Variants in AUH observed in about 807,000 individuals in gnomAD.
The protein encoded by AUH is methylglutaconyl-CoA hydratase, mitochondrial.
Under a neutral mutation model 42.3 loss-of-function variants are expected in AUH, and 29 were observed. The observed-to-expected ratio is 0.69, with a 90% CI of 0.51 to 0.93. The LOEUF is 0.93. Among genes scored for constraint, AUH ranks in the 40% least tolerant of loss-of-function variants. AUH has a pLI of 0.00. For missense variants in AUH, 452 were observed against 438.1 expected (o/e 1.03, Z -0.28); for synonymous variants, 174 against 166.4 (o/e 1.05, Z -0.35).
chr9:91,323,407 G>A (rs1319377653), intron 4 of AUH, among the ~76,000 whole-genome samples: 1 of 152,052 alleles, frequency 6.6e-6, no homozygotes, highest in Non-Finnish European at 1.5e-5. Flanking sequence ...GGTGGATCAC[G>A]AGGTCAAGAG....
At chr9:91,215,551 T>C (rs1427681660) in intron 9 of AUH, among the ~76,000 whole-genome samples, 1 of 152,210 alleles carries the variant, frequency 6.6e-6, no homozygotes, top group Non-Finnish European at 1.5e-5. Context: ...ATATTTTCAA[T>C]TTACACTTGG....
At chr9:91,334,037 C>T (rs1418141131) in intron 3 of AUH, among the ~76,000 whole-genome samples, 1 of 152,074 alleles carries the variant, frequency 6.6e-6, no homozygotes, top group Non-Finnish European at 1.5e-5. Flanking sequence ...TAGACAGACC[C>T]TTTATGTATT....
intron 6 of AUH, among the ~76,000 whole-genome samples, chr9:91,241,530 TG>T (rs1828518393): frequency 6.6e-6 from 1 of 152,172 alleles, no homozygotes; most frequent in Non-Finnish European, 1.5e-5. Flanking sequence ...TTAGGTTTTG[TG>T]GTAAGTACAT....
At chr9:91,297,239 A>G (rs1827415913) in intron 5 of AUH, among the ~76,000 whole-genome samples, 2 of 152,202 alleles carry the variant, frequency 1.3e-5, no homozygotes, top group South Asian at 2.1e-4. Context: ...CCAGTGCCCC[A>G]AAGTACCTGC....
At chr9:91,317,682 T>C (rs762804936) in intron 4 of AUH, among the ~76,000 whole-genome samples, 10 of 152,228 alleles carry the variant, frequency 6.6e-5, no homozygotes, top group East Asian at 3.8e-4. Context: ...CAGAATAATA[T>C]AGAACAGAGG....
chr9:91,315,788 T>C (rs1829110230), intron 4 of AUH, among the ~76,000 whole-genome samples: 2 of 151,682 alleles, frequency 1.3e-5, no homozygotes, highest in African/African-American at 4.9e-5. Flanking sequence ...CTAACACCTG[T>C]CTGCCACCGA....
chr9:91,345,849 A>G (rs984564921), intron 3 of AUH, among the ~76,000 whole-genome samples: 17 of 151,350 alleles, frequency 1.1e-4, no homozygotes, highest in Admixed American at 9.9e-4. Flanking sequence ...AAAAAAAAAA[A>G]AGTACCCAGA....
intron 4 of AUH, among the ~76,000 whole-genome samples, 191 bp from the exon 5 acceptor site, chr9:91,298,267 T>G (rs765989332): frequency 9.2e-5 from 14 of 152,188 alleles, no homozygotes; most frequent in Non-Finnish European, 1.8e-4. Flanking sequence ...AATTACTGTA[T>G]AGTGTTCCAT....
At chr9:91,239,128 A>G (rs1169417926) in intron 6 of AUH, among the ~76,000 whole-genome samples, 1 of 151,624 alleles carries the variant, frequency 6.6e-6, no homozygotes, top group Non-Finnish European at 1.5e-5. Flanking sequence ...GTAACATTTA[A>G]CGGTGGAAAA....
At chr9:91,338,843 A>T (rs1830889815) in intron 3 of AUH, among the ~76,000 whole-genome samples, 1 of 152,236 alleles carries the variant, frequency 6.6e-6, no homozygotes, top group Admixed American at 6.5e-5. Context: ...CTAGAAACTA[A>T]TGAGACTCAC....
chr9:91,334,746 T>C (rs959276569), intron 3 of AUH, among the ~76,000 whole-genome samples: 4 of 152,222 alleles, frequency 2.6e-5, no homozygotes, highest in Non-Finnish European at 5.9e-5. Flanking sequence ...AAGTAAAAGA[T>C]GAAATGCTTC....
chr9:91,235,045 G>A (rs1288750606), intron 6 of AUH, among the ~76,000 whole-genome samples: 3 of 151,966 alleles, frequency 2.0e-5, no homozygotes, highest in African/African-American at 7.3e-5. Context: ...AGGAAAGGAT[G>A]TGAGGAGGAG....
At chr9:91,329,777 T>C (rs914581189) in intron 3 of AUH, among the ~76,000 whole-genome samples, 9 of 152,192 alleles carry the variant, frequency 5.9e-5, no homozygotes, top group African/African-American at 2.4e-5. Context: ...CAGTTGTGCT[T>C]TTCTGGTAAT....
chr9:91,319,685 G>A (rs1829422649), intron 4 of AUH, among the ~76,000 whole-genome samples: 1 of 152,206 alleles, frequency 6.6e-6, no homozygotes, highest in Non-Finnish European at 1.5e-5. Context: ...GCCTCAAGTA[G>A]GCAGGCCTGC....
At chr9:91,349,701 CACAGAG>C (rs992918393) in intron 3 of AUH, among the ~76,000 whole-genome samples, 9 of 149,188 alleles carry the variant, frequency 6.0e-5, no homozygotes, top group African/African-American at 2.2e-4. Context: ...CACACACACA[CACAGAG>C]AGAAGAGAGA....
intron 1 of AUH, 104 bp from the exon 2 acceptor site, chr9:91,356,259 G>T (rs1832411463): frequency 2.2e-6 from 2 of 909,632 alleles, no homozygotes; most frequent in Non-Finnish European, 3.6e-6. Flanking sequence ...ACAAATCAAA[G>T]AAATTCATGA....
At position 91,265,909 on chromosome 9, in the gene AUH, C is replaced by T. The variant is rs188799559; in HGVS notation, c.655+30112G>A. Among the ~76,000 whole-genome samples, 14 of 152,186 alleles carry T rather than the reference C, an allele frequency of 9.2e-5. No individual in the cohort carries two copies. In the East Asian group the frequency reaches 9.6e-4, roughly 10 times the overall value. On this transcript the variant is annotated intron_variant, in intron 6 of 9. Transcript: ENST00000375731. ...TCTCATTTGTTGATGCCTCCTTTCC[C>T]GTTTTCTTTGGTATTCATGTTTGTA...
At chr9:91,290,186 CAGG>C (rs34223481) in intron 6 of AUH, among the ~76,000 whole-genome samples, 18,685 of 152,128 alleles carry the variant, frequency 0.12, 1,649 homozygotes, top group African/African-American at 0.25. Flanking sequence ...GAAGCCAAGG[CAGG>C]AGGATTGCTT....
At chr9:91,279,625 C>T (rs1587755193) in intron 6 of AUH, among the ~76,000 whole-genome samples, 1 of 152,130 alleles carries the variant, frequency 6.6e-6, no homozygotes, top group Admixed American at 6.5e-5. Context: ...TTTTAAACAA[C>T]CAGATCACCT....
Sources: allele counts gnomAD v4.1 joint callset (sites outside exome capture counted in the v4.1 genomes callset), GRCh38; gene constraint gnomAD v4.1.1; transcripts MANE v1.5; gene names NCBI Gene and HGNC (gene_info 2026-07-23, HGNC 2026-07-21).